The following CADM2 variants were observed in gnomAD, a reference collection of about 807,000 sequenced individuals.
The protein encoded by CADM2 is immunoglobulin superfamily member 4D.
In CADM2, 12 loss-of-function variants were observed where a neutral mutation model predicts 49.8. The ratio of observed to expected loss-of-function variants is 0.24; its 90% CI spans 0.15 to 0.39. CADM2 has a LOEUF of 0.39. Among genes scored for constraint, CADM2 ranks in the 10% least tolerant of loss-of-function variants. CADM2 has a pLI of 1.00. For missense variants in CADM2, 378 were observed against 492.3 expected (o/e 0.77, Z 2.20); for synonymous variants, 214 against 175.4 (o/e 1.22, Z -1.74).
At chr3:85,726,354 C>G in intron 1 of CADM2, 168 bp from the exon 2 acceptor site, 1 of 699,808 alleles carries the variant, frequency 1.4e-6, no homozygotes, top group Non-Finnish European at 2.5e-6. Context: ...ACTCATAACA[C>G]TAACTAAATG....
rs559790527 is a variant in CADM2, at chr3:85,614,725, A to G, written c.62-111797A>G. On this transcript the variant is annotated intron_variant, in intron 1 of 9. Coordinates refer to ENST00000383699, the MANE Select transcript of CADM2 (RefSeq NM_001167675.2). ...TCTATATAATTCCAAAGTCCTACAC[A>G]CATGCAAACCTCTCATGTAAAGACA... 2.6e-5 allele frequency among the ~76,000 whole-genome samples: 4 copies of G among 151,974 alleles called. No individual in the cohort carries two copies. In the East Asian group the frequency reaches 5.8e-4, roughly 22 times the overall value.
At chr3:85,321,181 G>C (rs1484280915) in intron 1 of CADM2, among the ~76,000 whole-genome samples, 1 of 89,508 alleles carries the variant, frequency 1.1e-5, no homozygotes, top group African/African-American at 4.0e-5. Context: ...GAGAGAGAAA[G>C]AAAGAGAGAG....
intron 1 of CADM2, among the ~76,000 whole-genome samples, chr3:85,126,014 A>G (rs1030809821): frequency 1.3e-5 from 2 of 152,186 alleles, no homozygotes; most frequent in African/African-American, 4.8e-5. Flanking sequence ...AGAGGAAAGT[A>G]GTTTATACCA....
chr3:85,095,651 C>T (rs562432347), intron 1 of CADM2, among the ~76,000 whole-genome samples: 2 of 152,174 alleles, frequency 1.3e-5, no homozygotes, highest in African/African-American at 4.8e-5. Context: ...TATTAGTATA[C>T]AACTAATAAC....
intron 1 of CADM2, among the ~76,000 whole-genome samples, chr3:85,321,116 A>ATATTTTT (rs2044596196): frequency 7.3e-5 from 2 of 27,496 alleles, no homozygotes; most frequent in Non-Finnish European, 1.3e-4. Context: ...ATATATATAT[A>ATATTTTT]TTTTTTTTTT....
intron 3 of CADM2, among the ~76,000 whole-genome samples, chr3:85,832,266 A>AT (rs966636377): frequency 2.0e-5 from 3 of 151,162 alleles, no homozygotes; most frequent in South Asian, 2.1e-4. Flanking sequence ...ATCCAGCTTT[A>AT]TTTTTTTTGC....
intron 1 of CADM2, among the ~76,000 whole-genome samples, chr3:85,438,831 C>T (rs2037052112): frequency 6.6e-6 from 1 of 151,834 alleles, no homozygotes; most frequent in Non-Finnish European, 1.5e-5. Flanking sequence ...AGCCACCATA[C>T]CTGGATAATA....
chr3:85,391,369 A>T (rs2107397276), intron 1 of CADM2, among the ~76,000 whole-genome samples: 1 of 152,218 alleles, frequency 6.6e-6, no homozygotes, highest in African/African-American at 2.4e-5. Context: ...AGATATAAAG[A>T]TAAGATTTTT....
intron 1 of CADM2, among the ~76,000 whole-genome samples, chr3:85,462,318 G>A (rs527493165): frequency 6.6e-6 from 1 of 152,290 alleles, no homozygotes; most frequent in South Asian, 2.1e-4. Flanking sequence ...TAGAACAGCT[G>A]TAGTGATCTA....
At chr3:85,745,201 T>A (rs2068565301) in intron 2 of CADM2, among the ~76,000 whole-genome samples, 1 of 152,186 alleles carries the variant, frequency 6.6e-6, no homozygotes, top group Non-Finnish European at 1.5e-5. Context: ...TGGATTGCCA[T>A]AAAATAATTG....
chr3:85,535,044 A>G (rs2061395560), intron 1 of CADM2, among the ~76,000 whole-genome samples: 2 of 151,700 alleles, frequency 1.3e-5, no homozygotes, highest in Non-Finnish European at 1.5e-5. Context: ...CTGTTTCATA[A>G]TATGTGACAA....
chr3:86,048,827 A>G (rs553146841), intron 8 of CADM2, among the ~76,000 whole-genome samples: 6 of 152,310 alleles, frequency 3.9e-5, no homozygotes, highest in South Asian at 4.1e-4. Flanking sequence ...AATGTTCTAC[A>G]TAAGATCCCA....
intron 1 of CADM2, among the ~76,000 whole-genome samples, chr3:85,345,331 A>AAAAAAAAG (rs2030501529): frequency 1.3e-5 from 2 of 150,122 alleles, no homozygotes; most frequent in African/African-American, 2.4e-5. Flanking sequence ...AAAAAAAAAA[A>AAAAAAAAG]AAAGAAAGAA....
At chr3:85,050,663 G>A (rs2035848053) in intron 1 of CADM2, among the ~76,000 whole-genome samples, 1 of 152,132 alleles carries the variant, frequency 6.6e-6, no homozygotes, top group African/African-American at 2.4e-5. Flanking sequence ...TGCATTTCTA[G>A]AATGGAATTA....
intron 7 of CADM2, among the ~76,000 whole-genome samples, chr3:85,945,918 G>T: frequency 6.6e-6 from 1 of 152,090 alleles, no homozygotes; most frequent in Non-Finnish European, 1.5e-5. Context: ...AGTGTTGGAA[G>T]TTCTGGCCAG....
intron 1 of CADM2, among the ~76,000 whole-genome samples, chr3:85,070,392 A>G (rs2036684947): frequency 6.6e-6 from 1 of 152,214 alleles, no homozygotes. Context: ...TTATTCTTAT[A>G]GAAAGACTAG....
At chr3:85,293,316 A>G (rs1197745459) in intron 1 of CADM2, among the ~76,000 whole-genome samples, 7 of 151,588 alleles carry the variant, frequency 4.6e-5, no homozygotes, top group Admixed American at 3.9e-4. Flanking sequence ...CACCAAAAAG[A>G]GTCCAGGACC....
chr3:85,899,214 C>T (rs1458764335), intron 5 of CADM2, among the ~76,000 whole-genome samples: 1 of 151,680 alleles, frequency 6.6e-6, no homozygotes, highest in Non-Finnish European at 1.5e-5. Context: ...GATCCACCCA[C>T]CTTGGCCTCC....
chr3:85,922,386 C>T (rs1719239457), intron 6 of CADM2, among the ~76,000 whole-genome samples: 1 of 151,672 alleles, frequency 6.6e-6, no homozygotes, highest in African/African-American at 2.4e-5. Flanking sequence ...ATCTGGGCCA[C>T]ACTTTTTTTG....
Sources: allele counts gnomAD v4.1 joint callset (sites outside exome capture counted in the v4.1 genomes callset), GRCh38; gene constraint gnomAD v4.1.1; transcripts MANE v1.5; gene names NCBI Gene and HGNC (gene_info 2026-07-23, HGNC 2026-07-21).